The following PPP1R13L variants were observed in gnomAD, a reference collection of about 807,000 sequenced individuals.
PPP1R13L encodes relA-associated inhibitor.
PPP1R13L carries 50 observed loss-of-function variants against 80.9 expected under a neutral mutation model. That is an observed-to-expected ratio of 0.62 (90% CI 0.49 to 0.78). The LOEUF (loss-of-function observed/expected upper bound fraction) is 0.78, where lower values mean the gene tolerates loss of function less well. Ranked by LOEUF, PPP1R13L falls within the 30% of genes least tolerant of loss-of-function variation. The probability of loss-of-function intolerance (pLI) is 0.00; values close to 1 mark genes in which losing one functional copy is unlikely to be tolerated. For missense variants in PPP1R13L, 1,200 were observed against 1,205.9 expected, an observed-to-expected ratio of 1.00 and a Z score of 0.07; for synonymous variants, 602 against 534.3, an observed-to-expected ratio of 1.13 and a Z score of -1.75.
At chr19:45,402,809 T>G (rs1023681836) in intron 1 of PPP1R13L, among the ~76,000 whole-genome samples, 66 of 152,352 alleles carry the variant, frequency 4.3e-4, no homozygotes, top group African/African-American at 1.5e-3. Context: ...CCCCTGGCTC[T>G]CCTTCCCTGG....
chr19:45,388,237 G>A (rs1284067412), intron 8 of PPP1R13L, among the ~76,000 whole-genome samples: 1 of 151,924 alleles, frequency 6.6e-6, no homozygotes, highest in Non-Finnish European at 1.5e-5. Flanking sequence ...CCTGTGAGTG[G>A]TGTGATTTTG....
chr19:45,393,496 G>T, intron 7 of PPP1R13L, among the ~76,000 whole-genome samples: 1 of 151,870 alleles, frequency 6.6e-6, no homozygotes, highest in African/African-American at 2.4e-5. Context: ...GGAAGCTGAG[G>T]TAGGAGAATC....
rs1039434747 is a variant in PPP1R13L, at chr19:45,392,156, C to T, written c.1539G>A (p.Val513=). The T allele has an allele frequency of 6.3e-7, 1 of 1,592,502 alleles. No homozygotes were observed. The highest frequency in any genetic ancestry group is 1.7e-4 in the Middle Eastern group (1 of 5,948). The change falls in exon 8 of 13, where the codon GTG becomes GTA. Residue 513 remains valine (V), a synonymous_variant. Transcript: ENST00000360957. ...TGAGGGGCCGGGGAATTTCCGCCAACACCCGTGCCACCTCCTCCAGCTCGG... is the reference window on the plus strand; with the variant it reads ...TGAGGGGCCGGGGAATTTCCGCCAATACCCGTGCCACCTCCTCCAGCTCGG... ...SVPELEEVAR[V]LAEIPRPLKR... is the part of the protein sequence containing the mutation.
At chr19:45,399,187 T>C (rs1174671281) in intron 1 of PPP1R13L, among the ~76,000 whole-genome samples, 1 of 150,166 alleles carries the variant, frequency 6.7e-6, no homozygotes, top group Non-Finnish European at 1.5e-5. Context: ...GCGTGATCCA[T>C]CTGCCTCGGC....
chr19:45,382,988 T>TTTTC (rs888674010), intron 11 of PPP1R13L, among the ~76,000 whole-genome samples: 10 of 113,060 alleles, frequency 8.8e-5, no homozygotes, highest in Admixed American at 4.2e-4. Context: ...CTCCCATTTC[T>TTTTC]TTTCTTTCTT....
At position 45,392,327 on chromosome 19, in the gene PPP1R13L, G is replaced by C. The variant is rs756984268; in HGVS notation, c.1368C>G (p.Pro456=). ...CCGGCTCAGGCTCCAGCTCGGTGGG[G>C]GGTTTGGGGGGTCCTAGCCGGAACA... The part of the protein sequence containing the change: ...WPPVNEGPPK[P]PTELEPEPEI... Residue 456 remains proline, a synonymous_variant, in exon 8 of 13, where the codon CCC becomes CCG. Transcript: ENST00000360957. 6.2e-7 allele frequency: 1 copy of C among 1,613,346 alleles called. No individual in the cohort carries two copies. The highest frequency in any genetic ancestry group is 1.1e-5 in the South Asian group (1 of 91,088).
chr19:45,387,615 T>C (rs1970764), intron 8 of PPP1R13L, among the ~76,000 whole-genome samples: 41,985 of 151,870 alleles, frequency 0.28, 6,461 homozygotes, highest in East Asian at 0.46. Context: ...AGTGCAGTGG[T>C]GCGATCTCAG....
At chr19:45,381,525 C>A (rs2046449712) in intron 12 of PPP1R13L, among the ~76,000 whole-genome samples, 1 of 152,070 alleles carries the variant, frequency 6.6e-6, no homozygotes, top group Non-Finnish European at 1.5e-5. Context: ...ATTCTTTAAC[C>A]TCTCCACCAA....
chr19:45,387,766 A>C (rs1364938633), intron 8 of PPP1R13L, among the ~76,000 whole-genome samples: 1 of 152,078 alleles, frequency 6.6e-6, no homozygotes, highest in East Asian at 1.9e-4. Flanking sequence ...TTAGCCAGGA[A>C]GGTCTTGTTC....
chr19:45,395,860 C>T lies in PPP1R13L; in HGVS notation c.930G>A (p.Pro310=), dbSNP rs560618631. The T allele has an allele frequency of 4.4e-6, 7 of 1,595,694 alleles. No homozygotes were observed. In the South Asian group the frequency reaches 4.5e-5, roughly 10 times the overall value. The part of the protein sequence containing the change: ...GKDNLTSATL[P]RNYKVSPLAS... The stretch of plus-strand genomic sequence containing the variant: ...CCAGAGGAGAGACCTTGTAATTGCG[C>T]GGCAGGGTGGCGCTAGTGAGGTTGT... The change falls in exon 7 of 13, where the codon CCG becomes CCA. Residue 310 remains proline, a synonymous_variant. Transcript: ENST00000360957.
At position 45,386,144 on chromosome 19, in the gene PPP1R13L, G is replaced by T; in HGVS notation, c.1852C>A (p.Arg618Ser). 1 of 1,541,558 alleles carries T rather than the reference G, an allele frequency of 6.5e-7. No individual in the cohort carries two copies. ...TTGAGGCGCGCGCGGCGGGCCTTGCGCGGGGAGCCCGCCTTCCGCAGCACA... is the reference window on the plus strand; with the variant it reads ...TTGAGGCGCGCGCGGCGGGCCTTGCTCGGGGAGCCCGCCTTCCGCAGCACA... ...RSVLRKAGSP[R>S]KARRARLNPL... The change falls in exon 9 of 13, where the codon CGC becomes AGC. Residue 618 changes from arginine to serine, a missense_variant. By Grantham distance (110) the Arg-to-Ser change is moderately radical. Transcript: ENST00000360957.
chr19:45,398,185 T>C (rs1434588300), intron 2 of PPP1R13L, 38 bp from the exon 3 acceptor site: 11 of 1,612,460 alleles, frequency 6.8e-6, no homozygotes, highest in Non-Finnish European at 8.5e-6. Context: ...CCTGGCCTCC[T>C]GGCAGGGGCC....
At position 45,385,743 on chromosome 19, in the gene PPP1R13L, G is replaced by C; in HGVS notation, c.2082-15C>G. On this transcript the variant is annotated splice_polypyrimidine_tract_variant and intron_variant, in intron 10 of 12. Coordinates refer to ENST00000360957, the MANE Select transcript of PPP1R13L (RefSeq NM_006663.4). ...GCAAGGGTGTCCTAGGCGTGGGGGT[G>C]GGGGGTTGCGGGGAACGATGCGTGA... 6.2e-7 allele frequency: 1 copy of C among 1,605,246 alleles called. No homozygotes were observed. Among genetic ancestry groups the C allele is most frequent in the South Asian group, 1.1e-5 (1 of 90,668 alleles).
chr19:45,405,870 C>G (rs1973338743), upstream of PPP1R13L, among the ~76,000 whole-genome samples: 1 of 152,204 alleles, frequency 6.6e-6, no homozygotes, highest in Non-Finnish European at 1.5e-5. Context: ...TGGGTGCGTC[C>G]CCCAAATCTG....
upstream of PPP1R13L, among the ~76,000 whole-genome samples, chr19:45,405,938 C>A (rs1032446724): frequency 1.3e-5 from 2 of 152,192 alleles, no homozygotes; most frequent in Non-Finnish European, 2.9e-5. Context: ...CCGATCAGGT[C>A]CCTTCCTGAA....
At chr19:45,404,183 T>C (rs1316230856) in intron 1 of PPP1R13L, among the ~76,000 whole-genome samples, 1 of 152,136 alleles carries the variant, frequency 6.6e-6, no homozygotes, top group Non-Finnish European at 1.5e-5. Context: ...CTCCGTGTAA[T>C]GGTTAAATGC....
intron 8 of PPP1R13L, 67 bp from the exon 9 acceptor site, chr19:45,386,247 G>C (rs1213575578): frequency 1.4e-6 from 2 of 1,429,518 alleles, no homozygotes; most frequent in East Asian, 5.1e-5. Context: ...TCTAGAGTAG[G>C]AAACAGAGGT....
rs1160251759 is a variant in PPP1R13L at position 45,396,150 on chromosome 19, C to G, written c.903+18G>C. Reference sequence around the variant, plus strand: ...TCGACCTTCCCCAGCCTCTCCTCCCCAGGCGTCGCCTCCTCACCTTGCCGG... The same window carrying G: ...TCGACCTTCCCCAGCCTCTCCTCCCGAGGCGTCGCCTCCTCACCTTGCCGG... On this transcript the variant is annotated intron_variant, in intron 6 of 12. Coordinates refer to ENST00000360957, the MANE Select transcript of PPP1R13L (RefSeq NM_006663.4). The surrounding 1 kb of genome is among the most constrained non-coding windows in gnomAD (Gnocchi z 5.3). The G allele has an allele frequency of 1.3e-6, 2 of 1,589,058 alleles. No homozygotes were observed. The highest frequency in any genetic ancestry group is 1.3e-5 in the African/African-American group (1 of 74,356).
At chr19:45,392,416 C>T (rs530705058) in intron 7 of PPP1R13L, 76 bp from the exon 8 acceptor site, 12 of 1,426,932 alleles carry the variant, frequency 8.4e-6, no homozygotes, top group East Asian at 2.3e-5. Context: ...ACTTCCAGGG[C>T]ATACAACCAG....
Sources: allele counts gnomAD v4.1 joint callset (sites outside exome capture counted in the v4.1 genomes callset), GRCh38; gene constraint gnomAD v4.1.1; non-coding constraint Gnocchi (gnomAD v3.1); transcripts MANE v1.5; gene names NCBI Gene and HGNC (gene_info 2026-07-23, HGNC 2026-07-21).